Variants in SNAI1 observed in about 807,000 individuals in gnomAD.
The protein encoded by SNAI1 is snail family transcriptional repressor 1.
Under a neutral mutation model 24.7 loss-of-function variants are expected in SNAI1, and 15 were observed. That is an observed-to-expected ratio of 0.61 (90% CI 0.41 to 0.93). SNAI1 has a LOEUF of 0.93. Ranked by LOEUF, SNAI1 falls within the 40% of genes least tolerant of loss-of-function variation. SNAI1 has a pLI of 0.00. For synonymous variants in SNAI1, 163 were observed against 142.9 expected (o/e 1.14, Z -1.00); for missense variants, 283 against 336.7 (o/e 0.84, Z 1.25).
Position 49,988,310 on chromosome 20 carries a change from T to G in SNAI1, c.*254T>G. On this transcript the variant is annotated 3_prime_UTR_variant, in exon 3 of 3. Coordinates refer to ENST00000244050, the MANE Select transcript of SNAI1 (RefSeq NM_005985.4). ...GCAGCTGGCCCCCAGCCCTGGGGGATTCCTGAGCTGGCCTGTCTGCGTGGG... is the reference window on the plus strand; with the variant it reads ...GCAGCTGGCCCCCAGCCCTGGGGGAGTCCTGAGCTGGCCTGTCTGCGTGGG... 1.1e-5 allele frequency: 5 copies of G among 464,622 alleles called. No individual in the cohort carries two copies. Among genetic ancestry groups the G allele is most frequent in the East Asian group, 3.8e-5 (1 of 26,492 alleles). The allele number at this position is 464,622 out of a possible 1,614,324, so 28.8% of individuals were successfully genotyped here. A position where few individuals can be genotyped will look rare whatever the true frequency, so the allele number is the denominator to read the frequency against.
chr20:49,987,710 G>C (rs145110995), intron 2 of SNAI1, among the ~76,000 whole-genome samples, 162 bp from the exon 3 acceptor site: 1 of 152,158 alleles, frequency 6.6e-6, no homozygotes, highest in African/African-American at 2.4e-5. Flanking sequence ...GCAGAGCTCC[G>C]TCAGGTCCCG....
chr20:49,985,496 C>G (rs1168493465), intron 2 of SNAI1, among the ~76,000 whole-genome samples: 4 of 152,234 alleles, frequency 2.6e-5, no homozygotes, highest in Non-Finnish European at 4.4e-5. Flanking sequence ...TCCTGGGTGC[C>G]TGCCCAGCTC....
chr20:49,987,990 G>C lies in SNAI1; in HGVS notation c.729G>C (p.Arg243=). The C allele has an allele frequency of 6.2e-7, 1 of 1,613,808 alleles. No homozygotes were observed. The highest frequency in any genetic ancestry group is 8.5e-7 in the Non-Finnish European group (1 of 1,179,872). The change falls in exon 3 of 3, where the codon CGG becomes CGC. Residue 243 remains arginine, a synonymous_variant. Transcript: ENST00000244050. ...VKKYQCQACA[R]TFSRMSLLHK... ...AGTACCAGTGCCAGGCGTGTGCTCG[G>C]ACCTTCTCCCGAATGTCCCTGCTCC...
chr20:49,984,478 T>A, intron 2 of SNAI1, 127 bp downstream of exon 2: 1 of 986,530 alleles, frequency 1.0e-6, no homozygotes, highest in Non-Finnish European at 1.4e-6. Context: ...TAGCTCAAGT[T>A]CCAGGGCCTG....
At chr20:49,984,389 C>T (rs561462798) in intron 2 of SNAI1, 38 bp downstream of exon 2, 2 of 1,521,450 alleles carry the variant, frequency 1.3e-6, no homozygotes, top group Admixed American at 2.1e-5. Flanking sequence ...GTTGCTCTCT[C>T]TGGCAGCTTT....
Position 49,988,085 on chromosome 20 carries a change from C to A in SNAI1, c.*29C>A. 3 of 1,541,480 alleles carry A rather than the reference C, an allele frequency of 1.9e-6. No homozygotes were observed. The highest frequency in any genetic ancestry group is 2.6e-6 in the Non-Finnish European group (3 of 1,137,802). The stretch of plus-strand genomic sequence containing the variant: ...TCGAGGCTCCCTCTTCCTCTCCATA[C>A]CTGCCCCTGCCTGACAGCCTTCCCC... On this transcript the variant is annotated 3_prime_UTR_variant, in exon 3 of 3. Transcript: ENST00000244050.
Position 49,988,082 on chromosome 20 carries a change from A to T in SNAI1, c.*26A>T. On this transcript the variant is annotated 3_prime_UTR_variant, in exon 3 of 3. Transcript: ENST00000244050. ...CCCTCGAGGCTCCCTCTTCCTCTCCATACCTGCCCCTGCCTGACAGCCTTC... is the reference window on the plus strand; with the variant it reads ...CCCTCGAGGCTCCCTCTTCCTCTCCTTACCTGCCCCTGCCTGACAGCCTTC... 6.4e-7 allele frequency: 1 copy of T among 1,553,544 alleles called. No homozygotes were observed. The highest frequency in any genetic ancestry group is 8.7e-7 in the Non-Finnish European group (1 of 1,145,156).
At chr20:49,985,323 G>A (rs1411609868) in intron 2 of SNAI1, among the ~76,000 whole-genome samples, 1 of 152,198 alleles carries the variant, frequency 6.6e-6, no homozygotes, top group East Asian at 1.9e-4. Flanking sequence ...GCCATTTCCT[G>A]GCCTGGCGCC....
intron 1 of SNAI1, 33 bp from the exon 2 acceptor site, chr20:49,983,791 A>C: frequency 6.5e-7 from 1 of 1,533,204 alleles, no homozygotes; most frequent in Non-Finnish European, 8.8e-7. Flanking sequence ...TGAATGATTT[A>C]ATTAACGCCT....
At chr20:49,985,053 A>G (rs2078329765) in intron 2 of SNAI1, among the ~76,000 whole-genome samples, 1 of 152,190 alleles carries the variant, frequency 6.6e-6, no homozygotes, top group Non-Finnish European at 1.5e-5. Context: ...ATAGTAATTT[A>G]TTATACCCGA....
intron 2 of SNAI1, 66 bp from the exon 3 acceptor site, chr20:49,987,806 G>T: frequency 1.4e-6 from 2 of 1,450,804 alleles, no homozygotes; most frequent in South Asian, 1.1e-5. Context: ...TATGCGGGGA[G>T]GGATTCCCAT....
rs2078322627 is a variant in SNAI1 at position 49,983,272 on chromosome 20, C to A, written c.82+131C>A. Reference sequence around the variant, plus strand: ...AGGATGTTTTGTGGACCATTGCGGGCTCGGGAGACCGGGCAAGTGGGTCCC... The same window carrying A: ...AGGATGTTTTGTGGACCATTGCGGGATCGGGAGACCGGGCAAGTGGGTCCC... On this transcript the variant is annotated intron_variant, in intron 1 of 2. Coordinates refer to ENST00000244050, the MANE Select transcript of SNAI1 (RefSeq NM_005985.4). 27 of 738,642 alleles carry A rather than the reference C, an allele frequency of 3.7e-5. 1 individual carries two copies. In the South Asian group the frequency reaches 4.1e-4, roughly 11 times the overall value. 45.8% of individuals were successfully genotyped at this position (738,642 alleles called of 1,614,324 possible).
At position 49,983,965 on chromosome 20, in the gene SNAI1, C is replaced by A. The variant is rs745898044; in HGVS notation, c.224C>A (p.Ala75Asp). 14 of 1,613,752 alleles carry A rather than the reference C, an allele frequency of 8.7e-6. No homozygotes were observed. The highest frequency in any genetic ancestry group is 1.1e-5 in the Non-Finnish European group (13 of 1,180,014). ...CCCCAAGCCCAGCCAATTGCCTGGG[C>A]CTCCCTTCGGCTCCAGGAGAGTCCC... ...LAPQAQPIAW[A>D]SLRLQESPRV... The change falls in exon 2 of 3, where the codon GCC becomes GAC. Residue 75 changes from alanine to aspartate, a missense_variant. Coordinates refer to ENST00000244050, the MANE Select transcript of SNAI1 (RefSeq NM_005985.4).
chr20:49,986,349 C>T (rs1290352481), intron 2 of SNAI1, among the ~76,000 whole-genome samples: 1 of 152,096 alleles, frequency 6.6e-6, no homozygotes, highest in African/African-American at 2.4e-5. Context: ...GTCCAGCTCT[C>T]AGGCGCTCCA....
rs776506178 is a variant in SNAI1 at position 49,983,897 on chromosome 20, C to T, written c.156C>T (p.Pro52=). The T allele has an allele frequency of 5.0e-6, 8 of 1,613,290 alleles. No homozygotes were observed. In the South Asian group the frequency reaches 8.8e-5, roughly 18 times the overall value. The change falls in exon 2 of 3, where the codon CCC becomes CCT. Residue 52 remains proline, a synonymous_variant. Transcript: ENST00000244050. Reference sequence around the variant, plus strand: ...TCCCACCTCCGGAGATCCTCAACCCCACCGCCTCGCTGCCAATGCTCATCT... The same window carrying T: ...TCCCACCTCCGGAGATCCTCAACCCTACCGCCTCGCTGCCAATGCTCATCT... ...AAIPPPEILN[P]TASLPMLIWD... is the part of the protein sequence containing the mutation.
chr20:49,984,035 A>G lies in SNAI1; in HGVS notation c.294A>G (p.Lys98=). The G allele has an allele frequency of 1.2e-6, 2 of 1,613,624 alleles. No individual in the cohort carries two copies. Among genetic ancestry groups the G allele is most frequent in the Non-Finnish European group, 1.7e-6 (2 of 1,179,812 alleles). Residue 98 remains lysine, a synonymous_variant, in exon 2 of 3, where the codon AAA becomes AAG. Transcript: ENST00000244050. ...CCCTGTCAGATGAGGACAGTGGGAA[A>G]GGCTCCCAGCCCCCCAGCCCACCCT... ...LTSLSDEDSG[K]GSQPPSPPSP... is the part of the protein sequence containing the mutation.
chr20:49,984,058 C>T lies in SNAI1; in HGVS notation c.317C>T (p.Pro106Leu), dbSNP rs748762255. ...SGKGSQPPSPPSPAPSSFSST... is the reference protein window; with the variant it reads ...SGKGSQPPSPLSPAPSSFSST... ...AAAGGCTCCCAGCCCCCCAGCCCACCCTCACCGGCTCCTTCGTCCTTCTCC... is the reference window on the plus strand; with the variant it reads ...AAAGGCTCCCAGCCCCCCAGCCCACTCTCACCGGCTCCTTCGTCCTTCTCC... The change falls in exon 2 of 3, where the codon CCC becomes CTC. Residue 106 changes from proline to leucine, a missense_variant. Transcript: ENST00000244050. 3.1e-6 allele frequency: 5 copies of T among 1,614,134 alleles called. No individual in the cohort carries two copies. The highest frequency in any genetic ancestry group is 4.2e-6 in the Non-Finnish European group (5 of 1,180,010).
chr20:49,987,230 T>C (rs2078336678), intron 2 of SNAI1, among the ~76,000 whole-genome samples: 1 of 150,884 alleles, frequency 6.6e-6, no homozygotes, highest in Admixed American at 6.6e-5. Flanking sequence ...GAAAGCAGGC[T>C]GCTGGCCGGG....
chr20:49,987,114 G>T (rs547350754), intron 2 of SNAI1, among the ~76,000 whole-genome samples: 1 of 152,298 alleles, frequency 6.6e-6, no homozygotes, highest in African/African-American at 2.4e-5. Context: ...CCCTGGGCTG[G>T]GGCTCAGAAG....
Sources: allele counts gnomAD v4.1 joint callset (sites outside exome capture counted in the v4.1 genomes callset), GRCh38; gene constraint gnomAD v4.1.1; transcripts MANE v1.5; gene names NCBI Gene and HGNC (gene_info 2026-07-23, HGNC 2026-07-21).